The following FNDC3B variants were observed in gnomAD, a reference collection of about 807,000 sequenced individuals.
FNDC3B encodes the protein fibronectin type III domain containing 3B.
FNDC3B carries 12 observed loss-of-function variants against 151.5 expected under a neutral mutation model. The observed-to-expected ratio is 0.08, with a 90% CI of 0.05 to 0.13. The LOEUF is 0.13. Ranked by LOEUF, FNDC3B falls within the 10% of genes least tolerant of loss-of-function variation. FNDC3B has a pLI of 1.00. For synonymous variants in FNDC3B, 528 were observed against 549.0 expected (o/e 0.96, Z 0.54); for missense variants, 1,214 against 1,505.3 (o/e 0.81, Z 3.20).
At chr3:172,197,077 A>T (rs1035280200) in intron 3 of FNDC3B, among the ~76,000 whole-genome samples, 2 of 152,038 alleles carry the variant, frequency 1.3e-5, no homozygotes, top group African/African-American at 4.8e-5. Context: ...GCTACTCGGG[A>T]GGCTGAGGCA....
intron 3 of FNDC3B, among the ~76,000 whole-genome samples, chr3:172,149,630 T>G (rs1019427502): frequency 6.6e-6 from 1 of 152,110 alleles, no homozygotes; most frequent in South Asian, 2.1e-4. Flanking sequence ...GAAAGTGAGA[T>G]TTTAAATTAT....
At chr3:172,097,944 T>C (rs1311776752) in intron 1 of FNDC3B, among the ~76,000 whole-genome samples, 3 of 152,190 alleles carry the variant, frequency 2.0e-5, no homozygotes, top group Non-Finnish European at 2.9e-5. Context: ...TTAGTAGAAC[T>C]GGCAGGGGCA....
chr3:172,213,635 T>G (rs1160323468), intron 3 of FNDC3B, among the ~76,000 whole-genome samples: 1 of 152,238 alleles, frequency 6.6e-6, no homozygotes, highest in South Asian at 2.1e-4. Flanking sequence ...CTCCCCATTT[T>G]GATGTAGTCT....
intron 23 of FNDC3B, 27 bp from the exon 24 acceptor site, chr3:172,378,243 G>A: frequency 6.5e-7 from 1 of 1,549,532 alleles, no homozygotes; most frequent in East Asian, 2.3e-5. Flanking sequence ...CGTTCAGATG[G>A]CTAATTGATT....
At chr3:172,306,546 A>C (rs1731209915) in intron 9 of FNDC3B, among the ~76,000 whole-genome samples, 1 of 152,222 alleles carries the variant, frequency 6.6e-6, no homozygotes, top group Non-Finnish European at 1.5e-5. Context: ...GTACATTTTC[A>C]ATTTTGAAAA....
intron 1 of FNDC3B, chr3:172,046,768 A>T (rs1440739244): frequency 6.6e-6 from 1 of 152,208 alleles, no homozygotes; most frequent in East Asian, 1.9e-4. Flanking sequence ...CTTGTGTTAA[A>T]TGATTCTATT....
intron 3 of FNDC3B, among the ~76,000 whole-genome samples, chr3:172,178,395 C>G (rs960186928): frequency 2.6e-5 from 4 of 152,016 alleles, no homozygotes; most frequent in African/African-American, 9.7e-5. Context: ...TTGCTGTCAC[C>G]GAGAGCTCAT....
chr3:172,207,989 A>C (rs1486894862), intron 3 of FNDC3B, among the ~76,000 whole-genome samples: 1 of 152,220 alleles, frequency 6.6e-6, no homozygotes, highest in African/African-American at 2.4e-5. Context: ...TAAAGGGTTG[A>C]AGTGTAGCTT....
chr3:172,347,420 TG>T, intron 21 of FNDC3B, 59 bp downstream of exon 21: 1 of 1,407,826 alleles, frequency 7.1e-7, no homozygotes, highest in Admixed American at 2.1e-5. Flanking sequence ...AAAGGCACTT[TG>T]GGAAACCCAC....
chr3:172,395,866 G>T (rs986859865), intron 25 of FNDC3B, among the ~76,000 whole-genome samples: 1 of 152,184 alleles, frequency 6.6e-6, no homozygotes, highest in East Asian at 1.9e-4. Flanking sequence ...AAATGCAGTC[G>T]TGGTACCATT....
intron 22 of FNDC3B, among the ~76,000 whole-genome samples, chr3:172,358,858 A>C (rs1161319175): frequency 2.0e-5 from 3 of 152,132 alleles, no homozygotes; most frequent in African/African-American, 7.2e-5. Flanking sequence ...TGTTACTTAA[A>C]AGTGTTCAAT....
chr3:172,317,061 C>T (rs924245420), intron 11 of FNDC3B: 108 of 407,850 alleles, frequency 2.6e-4, no homozygotes, highest in Admixed American at 1.5e-3. Flanking sequence ...ATAACAAACT[C>T]ACTCCTGTCA....
chr3:172,279,681 C>G (rs1729605158), intron 6 of FNDC3B, among the ~76,000 whole-genome samples: 1 of 152,108 alleles, frequency 6.6e-6, no homozygotes, highest in African/African-American at 2.4e-5. Context: ...TTATATTATG[C>G]AAGTTTATTC....
At chr3:172,300,035 A>G (rs889179509) in intron 9 of FNDC3B, among the ~76,000 whole-genome samples, 1 of 152,268 alleles carries the variant, frequency 6.6e-6, no homozygotes, top group Non-Finnish European at 1.5e-5. Context: ...CTCAGCTATC[A>G]TATTGTTTAG....
chr3:172,219,282 T>G (rs547032687), intron 3 of FNDC3B, among the ~76,000 whole-genome samples: 1 of 152,350 alleles, frequency 6.6e-6, no homozygotes, highest in South Asian at 2.1e-4. Context: ...GGATAGACAA[T>G]GCACCTCTTG....
chr3:172,097,433 T>A (rs1719145510), intron 1 of FNDC3B, among the ~76,000 whole-genome samples: 1 of 152,258 alleles, frequency 6.6e-6, no homozygotes, highest in Non-Finnish European at 1.5e-5. Context: ...TCTTTAGGTC[T>A]CTTTGTATGT....
At chr3:172,382,727 C>G (rs2108376003) in intron 25 of FNDC3B, among the ~76,000 whole-genome samples, 1 of 152,282 alleles carries the variant, frequency 6.6e-6, no homozygotes, top group East Asian at 1.9e-4. Context: ...AATAGGGAAT[C>G]CTTTCCCCAT....
At chr3:172,190,602 G>C (rs927754792) in intron 3 of FNDC3B, among the ~76,000 whole-genome samples, 1 of 152,186 alleles carries the variant, frequency 6.6e-6, no homozygotes, top group Non-Finnish European at 1.5e-5. Flanking sequence ...CTTCTAGGGA[G>C]GGGTTTATGA....
intron 1 of FNDC3B, among the ~76,000 whole-genome samples, chr3:172,079,012 T>C (rs1469115199): frequency 1.3e-5 from 2 of 152,172 alleles, no homozygotes; most frequent in Admixed American, 1.3e-4. Flanking sequence ...ACCTTTGAGA[T>C]AATAATTTAA....
Sources: allele counts gnomAD v4.1 joint callset (sites outside exome capture counted in the v4.1 genomes callset), GRCh38; gene constraint gnomAD v4.1.1; transcripts MANE v1.5; gene names NCBI Gene and HGNC (gene_info 2026-07-23, HGNC 2026-07-21).